Variants in ERBB4 observed in about 807,000 individuals in gnomAD.
ERBB4 encodes erb-b2 receptor tyrosine kinase 4.
Under a neutral mutation model 158.0 loss-of-function variants are expected in ERBB4, and 42 were observed. The observed-to-expected ratio is 0.27, with a 90% CI of 0.21 to 0.34. The LOEUF (loss-of-function observed/expected upper bound fraction) is 0.34. Among genes scored for constraint, ERBB4 ranks in the 10% least tolerant of loss-of-function variants. ERBB4 has a pLI of 1.00. For missense variants in ERBB4, 1,333 were observed against 1,624.1 expected (o/e 0.82, Z 3.08); for synonymous variants, 583 against 558.7 (o/e 1.04, Z -0.61).
intron 1 of ERBB4, among the ~76,000 whole-genome samples, chr2:212,359,246 T>C (rs2089588758): frequency 6.6e-6 from 1 of 151,204 alleles, no homozygotes. Flanking sequence ...GTCAGAAATA[T>C]TTACATATTT....
At chr2:212,276,131 C>T (rs1232947201) in intron 1 of ERBB4, among the ~76,000 whole-genome samples, 2 of 151,776 alleles carry the variant, frequency 1.3e-5, no homozygotes, top group Non-Finnish European at 1.5e-5. Flanking sequence ...TATTTCATCA[C>T]AAACAAAAGA....
rs746962249 is a variant in ERBB4 at position 211,387,105 on chromosome 2, C to G, written c.3229G>C (p.Val1077Leu). The change falls in exon 27 of 28, where the codon GTG becomes CTG. Residue 1077 changes from valine to leucine, a missense_variant. Around this residue, in one of 5 missense-constraint regions of ERBB4, gnomAD observed 252 missense variants for 241.3 expected, o/e 1.04. Coordinates refer to ENST00000342788, the MANE Select transcript of ERBB4 (RefSeq NM_005235.3). ...RDGGFAAEQG[V>L]SVPYRAPTST... ...GTTGGGGCTCTGTAGGGCACAGACA[C>G]TCCTTGTTCAGCAGCAAAACCTCCA... 6.2e-7 allele frequency: 1 copy of G among 1,614,060 alleles called. No homozygotes were observed. Among genetic ancestry groups the G allele is most frequent in the Non-Finnish European group, 8.5e-7 (1 of 1,179,942 alleles).
At chr2:211,489,770 TATTC>T (rs60793660) in intron 20 of ERBB4, among the ~76,000 whole-genome samples, 4 of 151,314 alleles carry the variant, frequency 2.6e-5, no homozygotes, top group South Asian at 2.1e-4. Flanking sequence ...AGTACTAATG[TATTC>T]ATTCATTCAT....
intron 1 of ERBB4, among the ~76,000 whole-genome samples, chr2:212,469,645 ATGATATTAC>A (rs1216672208): frequency 6.6e-6 from 1 of 152,162 alleles, no homozygotes; most frequent in African/African-American, 2.4e-5. Context: ...ACAGCTATTC[ATGATATTAC>A]TGATATTACT....
chr2:211,424,774 A>G (rs1559154526), intron 22 of ERBB4, among the ~76,000 whole-genome samples: 1 of 151,600 alleles, frequency 6.6e-6, no homozygotes, highest in South Asian at 2.1e-4. Context: ...TTATGTTACA[A>G]TAAAGAATTG....
chr2:212,321,364 TA>T (rs2087560655), intron 1 of ERBB4, among the ~76,000 whole-genome samples: 1 of 150,466 alleles, frequency 6.6e-6, no homozygotes, highest in Non-Finnish European at 1.5e-5. Flanking sequence ...GAGCTTAACT[TA>T]ATTAGAATCT....
chr2:211,737,843 A>T (rs905081530), intron 5 of ERBB4, among the ~76,000 whole-genome samples: 1 of 152,134 alleles, frequency 6.6e-6, no homozygotes. Context: ...TTATATCATT[A>T]ACTGTCTTTT....
At chr2:212,188,224 C>G (rs2082077380) in intron 1 of ERBB4, among the ~76,000 whole-genome samples, 1 of 36,828 alleles carries the variant, frequency 2.7e-5, no homozygotes, top group Non-Finnish European at 5.8e-5. Flanking sequence ...CTCTCTCTCT[C>G]TCTCTCTCTC....
At position 212,190,397 on chromosome 2, in the gene ERBB4, C is replaced by T. The variant is rs185692103; in HGVS notation, c.83-65494G>A. ...TGAAAATACAAAAAAATTAGCCGGG[C>T]GTGGTGGCAGGTGCCTGTAGTCCCA... On this transcript the variant is annotated intron_variant, in intron 1 of 27. Transcript: ENST00000342788. 1.3e-4 allele frequency among the ~76,000 whole-genome samples: 20 copies of T among 152,076 alleles called. No homozygotes were observed. In the East Asian group the frequency reaches 3.9e-3, roughly 30 times the overall value.
At chr2:211,699,421 G>A (rs1206747872) in intron 12 of ERBB4, among the ~76,000 whole-genome samples, 1 of 152,096 alleles carries the variant, frequency 6.6e-6, no homozygotes, top group Non-Finnish European at 1.5e-5. Context: ...CATTTACAAA[G>A]AGTACTGGGG....
intron 1 of ERBB4, 124 bp from the exon 2 acceptor site, chr2:212,125,027 G>A (rs1168070545): frequency 2.1e-5 from 25 of 1,202,128 alleles, no homozygotes; most frequent in Admixed American, 3.9e-5. Flanking sequence ...TAAATATTTC[G>A]ATCGTCATTA....
At chr2:212,318,547 G>C (rs535009095) in intron 1 of ERBB4, among the ~76,000 whole-genome samples, 1 of 150,762 alleles carries the variant, frequency 6.6e-6, no homozygotes, top group Non-Finnish European at 1.5e-5. Flanking sequence ...AAAAAAATCA[G>C]AAAAAAAAGA....
intron 1 of ERBB4, among the ~76,000 whole-genome samples, chr2:212,283,759 CT>C (rs1469311559): frequency 6.6e-6 from 1 of 151,920 alleles, no homozygotes; most frequent in African/African-American, 2.4e-5. Context: ...ATCCTTTTCC[CT>C]ATACAATGGC....
intron 20 of ERBB4, among the ~76,000 whole-genome samples, chr2:211,485,362 C>T (rs2065177542): frequency 1.3e-5 from 2 of 152,090 alleles, no homozygotes; most frequent in Admixed American, 6.6e-5. Context: ...TAACCTTGTT[C>T]GTTTATCCTT....
At chr2:212,447,661 T>G (rs140751012) in intron 1 of ERBB4, among the ~76,000 whole-genome samples, 8 of 152,246 alleles carry the variant, frequency 5.3e-5, no homozygotes, top group African/African-American at 1.9e-4. Flanking sequence ...TTACAGAAAT[T>G]TTAAGTAAGT....
At chr2:211,885,454 A>T (rs992704034) in intron 3 of ERBB4, among the ~76,000 whole-genome samples, 31 of 152,004 alleles carry the variant, frequency 2.0e-4, no homozygotes, top group Non-Finnish European at 4.3e-4. Context: ...CAACTGCTAT[A>T]ATTTTTTTTT....
intron 1 of ERBB4, among the ~76,000 whole-genome samples, chr2:212,513,999 A>G (rs1225772599): frequency 6.6e-6 from 1 of 152,156 alleles, no homozygotes; most frequent in East Asian, 1.9e-4. Context: ...CCTAATAAGA[A>G]GTGGTCTTAA....
At chr2:212,220,405 C>T (rs1410172934) in intron 1 of ERBB4, among the ~76,000 whole-genome samples, 1 of 151,314 alleles carries the variant, frequency 6.6e-6, no homozygotes, top group Admixed American at 6.6e-5. Flanking sequence ...ATTCGCCATC[C>T]CAAATGCCCA....
chr2:212,237,913 C>T (rs1049738598), intron 1 of ERBB4, among the ~76,000 whole-genome samples: 9 of 152,108 alleles, frequency 5.9e-5, no homozygotes, highest in African/African-American at 9.7e-5. Flanking sequence ...TCAGTAATAG[C>T]GGACGCCCCT....
Sources: allele counts gnomAD v4.1 joint callset (sites outside exome capture counted in the v4.1 genomes callset), GRCh38; gene constraint gnomAD v4.1.1; regional missense constraint gnomAD v4.1.1; transcripts MANE v1.5; gene names NCBI Gene and HGNC (gene_info 2026-07-23, HGNC 2026-07-21).